Variants in PELI2 observed in about 807,000 individuals in gnomAD.
PELI2 encodes the protein pellino E3 ubiquitin protein ligase family member 2.
In PELI2, 23 loss-of-function variants were observed where a neutral mutation model predicts 42.3. The ratio of observed to expected loss-of-function variants is 0.54; its 90% CI spans 0.39 to 0.77. The LOEUF (loss-of-function observed/expected upper bound fraction) is 0.77. Among genes scored for constraint, PELI2 ranks in the 30% least tolerant of loss-of-function variants. The probability of loss-of-function intolerance (pLI) is 0.00; values close to 1 mark genes in which losing one functional copy is unlikely to be tolerated. For synonymous variants in PELI2, 245 were observed against 212.2 expected (o/e 1.15, Z -1.34); for missense variants, 463 against 553.2 (o/e 0.84, Z 1.64).
intron 1 of PELI2, among the ~76,000 whole-genome samples, chr14:56,126,349 G>A (rs1346765385): frequency 6.6e-6 from 1 of 152,222 alleles, no homozygotes; most frequent in Non-Finnish European, 1.5e-5. Context: ...GCAGGTTTAA[G>A]GCTATTGCGA....
chr14:56,215,886 T>C (rs1488979935), intron 2 of PELI2, among the ~76,000 whole-genome samples: 1 of 152,214 alleles, frequency 6.6e-6, no homozygotes, highest in African/African-American at 2.4e-5. Flanking sequence ...CTACAGTGGG[T>C]TATAGAAATT....
At chr14:56,249,529 T>A (rs909540251) in intron 2 of PELI2, among the ~76,000 whole-genome samples, 3 of 152,194 alleles carry the variant, frequency 2.0e-5, no homozygotes, top group Non-Finnish European at 4.4e-5. Context: ...CAACGGATAT[T>A]TCTGGGACTA....
chr14:56,250,358 A>G (rs1230913258), intron 2 of PELI2, among the ~76,000 whole-genome samples: 1 of 152,210 alleles, frequency 6.6e-6, no homozygotes, highest in Non-Finnish European at 1.5e-5. Flanking sequence ...CAGAACTAAT[A>G]GGATAGATGA....
At chr14:56,173,864 C>T (rs1366902188) in intron 1 of PELI2, among the ~76,000 whole-genome samples, 1 of 152,176 alleles carries the variant, frequency 6.6e-6, no homozygotes, top group Non-Finnish European at 1.5e-5. Flanking sequence ...CATCTGCAAA[C>T]ACCGCTTTTC....
rs944636529 is a variant in PELI2 at position 56,216,737 on chromosome 14, T to C, written c.207+38273T>C. On this transcript the variant is annotated intron_variant, in intron 2 of 5. Transcript: ENST00000267460. Reference sequence around the variant, plus strand: ...AAGGCTGTGTTCAGAGTTCCATTGCTTTCAGGATTCATGTCATCAGGGCTC... The same window carrying C: ...AAGGCTGTGTTCAGAGTTCCATTGCCTTCAGGATTCATGTCATCAGGGCTC... Among the ~76,000 whole-genome samples, 4 of 152,356 alleles carry C rather than the reference T, an allele frequency of 2.6e-5. 1 individual carries two copies. The highest frequency in any genetic ancestry group is 2.0e-4 in the Admixed American group (3 of 15,312).
intron 2 of PELI2, among the ~76,000 whole-genome samples, chr14:56,265,625 T>TA (rs1489900447): frequency 2.6e-5 from 4 of 152,084 alleles, no homozygotes; most frequent in Admixed American, 6.6e-5. Flanking sequence ...GTTAAGAACT[T>TA]ACGCCTTTGG....
intron 1 of PELI2, among the ~76,000 whole-genome samples, chr14:56,166,018 G>T (rs1019689257): frequency 1.9e-4 from 29 of 152,030 alleles, no homozygotes; most frequent in Non-Finnish European, 4.0e-4. Flanking sequence ...CTGCCATTTT[G>T]TTATTTATTT....
chr14:56,175,838 G>A (rs1885357106), intron 1 of PELI2, among the ~76,000 whole-genome samples: 1 of 152,204 alleles, frequency 6.6e-6, no homozygotes, highest in Non-Finnish European at 1.5e-5. Context: ...AGAATGGCTG[G>A]AGTACATCTG....
intron 2 of PELI2, among the ~76,000 whole-genome samples, chr14:56,251,229 G>T (rs1290823733): frequency 6.6e-6 from 1 of 152,324 alleles, no homozygotes; most frequent in South Asian, 2.1e-4. Context: ...ATCGGCAGAG[G>T]CTCCTTCAGA....
chr14:56,153,186 AT>A (rs983006661), intron 1 of PELI2, among the ~76,000 whole-genome samples: 2 of 152,008 alleles, frequency 1.3e-5, no homozygotes, highest in African/African-American at 2.4e-5. Context: ...ATCCTGTTTA[AT>A]TTTTTTTAGA....
At position 56,248,822 on chromosome 14, in the gene PELI2, C is replaced by G. The variant is rs556703486; in HGVS notation, c.208-30854C>G. 3.8e-4 allele frequency among the ~76,000 whole-genome samples: 58 copies of G among 151,918 alleles called. 1 individual carries two copies. The South Asian group carries it at 0.011, about 30-fold the overall frequency. On this transcript the variant is annotated intron_variant, in intron 2 of 5. Coordinates refer to ENST00000267460, the MANE Select transcript of PELI2 (RefSeq NM_021255.3). ...GGGCTTGGCTGTTGAAAACCCTCCC[C>G]GGGGGTTGCTGAATGCCATGAGAAG...
chr14:56,283,367 A>G (rs147195714), intron 3 of PELI2, among the ~76,000 whole-genome samples: 3 of 152,350 alleles, frequency 2.0e-5, no homozygotes, highest in South Asian at 2.1e-4. Flanking sequence ...GAAAAATACA[A>G]TGACTGCTAA....
At chr14:56,238,409 T>G (rs1448344444) in intron 2 of PELI2, among the ~76,000 whole-genome samples, 1 of 152,200 alleles carries the variant, frequency 6.6e-6, no homozygotes, top group Non-Finnish European at 1.5e-5. Flanking sequence ...CAGTAATACA[T>G]CCAAAAAATC....
chr14:56,226,827 T>C lies in PELI2; in HGVS notation c.207+48363T>C, dbSNP rs940666571. Among the ~76,000 whole-genome samples the C allele has an allele frequency of 3.3e-5, 5 of 152,374 alleles. No homozygotes were observed. In the South Asian group the frequency reaches 6.2e-4, roughly 19 times the overall value. On this transcript the variant is annotated intron_variant, in intron 2 of 5. Transcript: ENST00000267460. ...GTACCTTGACTGATATTTAGTGAACTTTATATCTTCAGATATTAGCACTTT... is the reference window on the plus strand; with the variant it reads ...GTACCTTGACTGATATTTAGTGAACCTTATATCTTCAGATATTAGCACTTT...
chr14:56,159,821 G>A (rs1323986799), intron 1 of PELI2, among the ~76,000 whole-genome samples: 2 of 152,148 alleles, frequency 1.3e-5, no homozygotes, highest in East Asian at 3.9e-4. Flanking sequence ...CCACCTTCAA[G>A]TTGGTCAGTG....
At chr14:56,233,584 C>T (rs1887669616) in intron 2 of PELI2, among the ~76,000 whole-genome samples, 1 of 152,178 alleles carries the variant, frequency 6.6e-6, no homozygotes, top group Admixed American at 6.5e-5. Flanking sequence ...CCCTTCCTCA[C>T]AGCTTATACA....
At chr14:56,249,673 C>G (rs1888277567) in intron 2 of PELI2, among the ~76,000 whole-genome samples, 1 of 152,174 alleles carries the variant, frequency 6.6e-6, no homozygotes, top group Non-Finnish European at 1.5e-5. Flanking sequence ...TATGGGAATA[C>G]ACACAAGGAA....
intron 2 of PELI2, among the ~76,000 whole-genome samples, chr14:56,244,176 C>T (rs965645894): frequency 6.6e-6 from 1 of 152,208 alleles, no homozygotes; most frequent in Admixed American, 6.5e-5. Context: ...TTCATAGTTA[C>T]ATTCATCCTA....
chr14:56,246,465 A>G (rs751683508), intron 2 of PELI2, among the ~76,000 whole-genome samples: 22 of 151,720 alleles, frequency 1.5e-4, no homozygotes, highest in Non-Finnish European at 2.2e-4. Flanking sequence ...AATTCTTTCA[A>G]CCCTTCCTCC....
Sources: allele counts gnomAD v4.1 joint callset (sites outside exome capture counted in the v4.1 genomes callset), GRCh38; gene constraint gnomAD v4.1.1; transcripts MANE v1.5; gene names NCBI Gene and HGNC (gene_info 2026-07-23, HGNC 2026-07-21).